The following KCNH7 variants were observed in gnomAD, a reference collection of about 807,000 sequenced individuals.
KCNH7 encodes voltage-gated inwardly rectifying potassium channel KCNH7.
Under a neutral mutation model 120.8 loss-of-function variants are expected in KCNH7, and 49 were observed. The observed-to-expected ratio is 0.41, with a 90% CI of 0.32 to 0.51. The LOEUF (loss-of-function observed/expected upper bound fraction) is 0.51, where lower values mean the gene tolerates loss of function less well. Among genes scored for constraint, KCNH7 ranks in the 20% least tolerant of loss-of-function variants. The probability of loss-of-function intolerance (pLI) is 0.38; values close to 1 mark genes in which losing one functional copy is unlikely to be tolerated. For synonymous variants in KCNH7, 547 were observed against 516.1 expected, an observed-to-expected ratio of 1.06 and a Z score of -0.81; for missense variants, 1,097 against 1,446.6, an observed-to-expected ratio of 0.76 and a Z score of 3.92.
intron 2 of KCNH7, among the ~76,000 whole-genome samples, chr2:162,740,722 T>G (rs1049937093): frequency 6.6e-6 from 1 of 152,196 alleles, no homozygotes; most frequent in East Asian, 1.9e-4. Context: ...TACCTTCCAC[T>G]CTACATCAGG....
intron 2 of KCNH7, among the ~76,000 whole-genome samples, chr2:162,689,934 T>C (rs1009732153): frequency 2.0e-5 from 3 of 152,212 alleles, no homozygotes; most frequent in Non-Finnish European, 4.4e-5. Context: ...ATGCATGATG[T>C]TCATTGCAGC....
intron 2 of KCNH7, among the ~76,000 whole-genome samples, chr2:162,785,691 AGTTTTTT>A (rs200568295): frequency 0.016 from 2,455 of 151,956 alleles, 62 homozygotes; most frequent in African/African-American, 0.051. Flanking sequence ...CCTGTGGAAT[AGTTTTTT>A]GTTTTTTGTT....
intron 6 of KCNH7, among the ~76,000 whole-genome samples, chr2:162,466,340 C>A (rs534431683): frequency 6.6e-6 from 1 of 152,124 alleles, no homozygotes; most frequent in Non-Finnish European, 1.5e-5. Context: ...CAGTTCTATA[C>A]GGCTAGGGAA....
chr2:162,397,670 T>C (rs1344881569), intron 10 of KCNH7, among the ~76,000 whole-genome samples: 1 of 151,816 alleles, frequency 6.6e-6, no homozygotes, highest in Non-Finnish European at 1.5e-5. Flanking sequence ...TCTTATTCCA[T>C]GACAAAGATA....
chr2:162,646,122 G>A, intron 2 of KCNH7, among the ~76,000 whole-genome samples: 1 of 152,152 alleles, frequency 6.6e-6, no homozygotes, highest in South Asian at 2.1e-4. Context: ...ATTCAAGCCA[G>A]GAAAAACAAG....
At chr2:162,817,137 C>T (rs1684943192) in intron 2 of KCNH7, among the ~76,000 whole-genome samples, 1 of 152,106 alleles carries the variant, frequency 6.6e-6, no homozygotes, top group Non-Finnish European at 1.5e-5. Context: ...TGAACCAATG[C>T]ATAGACTCAA....
chr2:162,386,976 A>G (rs1251724172), intron 12 of KCNH7, among the ~76,000 whole-genome samples: 1 of 151,614 alleles, frequency 6.6e-6, no homozygotes, highest in African/African-American at 2.4e-5. Context: ...AGGAATTACT[A>G]TTATTTAGTT....
At chr2:162,748,507 G>A (rs1457181960) in intron 2 of KCNH7, among the ~76,000 whole-genome samples, 1 of 152,072 alleles carries the variant, frequency 6.6e-6, no homozygotes, top group Non-Finnish European at 1.5e-5. Context: ...CTATGCCAAG[G>A]CACTAAAGAT....
intron 2 of KCNH7, among the ~76,000 whole-genome samples, chr2:162,745,201 G>T (rs1688274326): frequency 6.6e-6 from 1 of 152,144 alleles, no homozygotes; most frequent in African/African-American, 2.4e-5. Context: ...AGCATACAGA[G>T]GGGTCTGGTT....
intron 6 of KCNH7, among the ~76,000 whole-genome samples, chr2:162,460,472 G>T (rs559195360): frequency 2.0e-5 from 3 of 152,122 alleles, no homozygotes; most frequent in African/African-American, 7.2e-5. Flanking sequence ...TTAGAATTCC[G>T]CTTAGTTCAT....
At chr2:162,576,862 G>A (rs897262737) in intron 2 of KCNH7, among the ~76,000 whole-genome samples, 3 of 151,716 alleles carry the variant, frequency 2.0e-5, no homozygotes, top group African/African-American at 7.3e-5. Flanking sequence ...TTCAACTAGG[G>A]TACTTTATTA....
intron 3 of KCNH7, among the ~76,000 whole-genome samples, chr2:162,529,483 T>C (rs1489892013): frequency 6.6e-6 from 1 of 151,954 alleles, no homozygotes; most frequent in South Asian, 2.1e-4. Context: ...TATCTGTGTG[T>C]GAATCAGAGT....
intron 2 of KCNH7, among the ~76,000 whole-genome samples, chr2:162,700,928 AG>A (rs1430902790): frequency 2.6e-5 from 4 of 152,186 alleles, no homozygotes; most frequent in African/African-American, 9.6e-5. Flanking sequence ...GCTCTCTTTA[AG>A]GCTTTGGGAT....
intron 2 of KCNH7, among the ~76,000 whole-genome samples, chr2:162,782,772 C>G (rs186124008): frequency 2.6e-5 from 4 of 152,292 alleles, no homozygotes; most frequent in African/African-American, 9.6e-5. Flanking sequence ...GCTGAAGCAT[C>G]CTCACCAAGG....
intron 6 of KCNH7, among the ~76,000 whole-genome samples, chr2:162,470,621 TG>T (rs1175330282): frequency 1.4e-5 from 2 of 145,080 alleles, no homozygotes; most frequent in Non-Finnish European, 3.0e-5. Flanking sequence ...GGGAGGGAGG[TG>T]GGGGGGTCAG....
chr2:162,398,713 T>C (rs1385460132), intron 10 of KCNH7, among the ~76,000 whole-genome samples: 1 of 151,916 alleles, frequency 6.6e-6, no homozygotes, highest in African/African-American at 2.4e-5. Context: ...GCTTATTACC[T>C]TCTTGTAGAA....
At chr2:162,594,762 T>A (rs1488678218) in intron 2 of KCNH7, among the ~76,000 whole-genome samples, 1 of 152,016 alleles carries the variant, frequency 6.6e-6, no homozygotes, top group African/African-American at 2.4e-5. Flanking sequence ...CTAGAGATGA[T>A]TTAAAGTATA....
Position 162,537,044 on chromosome 2 carries a change from A to G in KCNH7, c.344T>C (p.Val115Ala). 6.2e-7 allele frequency: 1 copy of G among 1,612,630 alleles called. No homozygotes were observed. The highest frequency in any genetic ancestry group is 8.5e-7 in the Non-Finnish European group (1 of 1,179,018). ...CATAGCCACGCCCTCTTGGTTTTTC[A>G]CTGGAATTATGTGAGTGTTACAAAT... ...TFICNTHIIP[V>A]KNQEGVAMMF... Residue 115 changes from valine to alanine, a missense_variant, in exon 3 of 16, where the codon GTG (valine) becomes GCG (alanine). Physicochemically the swap from Val to Ala is moderately conservative, Grantham distance 64. Transcript: ENST00000332142.
chr2:162,610,173 G>T (rs1158241639), intron 2 of KCNH7, among the ~76,000 whole-genome samples: 1 of 152,116 alleles, frequency 6.6e-6, no homozygotes, highest in Non-Finnish European at 1.5e-5. Flanking sequence ...ATCATATTGG[G>T]GCATTGTTCT....
Sources: allele counts gnomAD v4.1 joint callset (sites outside exome capture counted in the v4.1 genomes callset), GRCh38; gene constraint gnomAD v4.1.1; transcripts MANE v1.5; gene names NCBI Gene and HGNC (gene_info 2026-07-23, HGNC 2026-07-21).